Variants in MDN1 observed in about 807,000 individuals in gnomAD.
MDN1 encodes the protein midasin AAA ATPase 1, also known as midasin.
In MDN1, 266 loss-of-function variants were observed where a neutral mutation model predicts 669.2. The observed-to-expected ratio is 0.40, with a 90% CI of 0.36 to 0.44. The LOEUF (loss-of-function observed/expected upper bound fraction) is 0.44. MDN1 is among the 20% of genes least tolerant of loss of function. The pLI, the probability that MDN1 is intolerant of heterozygous loss-of-function variation, is 1.00. For missense variants in MDN1, 5,940 were observed against 6,754.0 expected (o/e 0.88, Z 4.22); for synonymous variants, 2,385 against 2,457.1 (o/e 0.97, Z 0.87).
chr6:89,674,468 TG>T lies in MDN1; in HGVS notation c.12882del (p.Met4295CysfsTer20). On this transcript the variant is annotated frameshift_variant, in exon 79 of 102. Coordinates refer to ENST00000369393, the MANE Select transcript of MDN1 (RefSeq NM_014611.3). LOFTEE classifies it high-confidence loss of function. ...QQWTERLQHLAMQCQILLEQL... is the reference protein window; with the variant it reads ...QQWTERLQHLXMQCQILLEQL... Reference sequence around the variant, plus strand: ...TGCTCAAGCAGGATCTGGCACTGCATGGCCAGGTGCTGCAGGCGCTCTGTCC... The same window carrying T: ...TGCTCAAGCAGGATCTGGCACTGCATGCCAGGTGCTGCAGGCGCTCTGTCC... The T allele has an allele frequency of 6.2e-7, 1 of 1,613,774 alleles. No individual in the cohort carries two copies. Among genetic ancestry groups the T allele is most frequent in the Non-Finnish European group, 8.5e-7 (1 of 1,179,984 alleles).
intron 7 of MDN1, among the ~76,000 whole-genome samples, chr6:89,789,134 A>G (rs1043974892): frequency 3.3e-5 from 5 of 152,180 alleles, no homozygotes; most frequent in Non-Finnish European, 7.3e-5. Flanking sequence ...ACAAAAAAAA[A>G]AAAGAAAAAG....
At chr6:89,736,816 T>C (rs1455540127) in intron 33 of MDN1, among the ~76,000 whole-genome samples, 1 of 152,106 alleles carries the variant, frequency 6.6e-6, no homozygotes, top group Non-Finnish European at 1.5e-5. Flanking sequence ...AAAGTCTGTA[T>C]TATACTTCTT....
intron 7 of MDN1, 112 bp downstream of exon 7, chr6:89,789,668 G>C (rs147971052): frequency 7.9e-7 from 1 of 1,269,424 alleles, no homozygotes; most frequent in East Asian, 2.4e-5. Context: ...AACATAGTAC[G>C]TCTAATCAAA....
At chr6:89,725,504 G>A in intron 37 of MDN1, 108 bp from the exon 38 acceptor site, 1 of 974,806 alleles carries the variant, frequency 1.0e-6, no homozygotes. Context: ...CTTCAGAAAG[G>A]GAATTTCAAA....
chr6:89,695,643 C>T lies in MDN1; in HGVS notation c.9733G>A (p.Val3245Met), dbSNP rs1219200167. Residue 3245 changes from valine to methionine, a missense_variant, in exon 61 of 102, where the codon GTG (valine) becomes ATG (methionine). Physicochemically the swap from Val to Met is conservative, Grantham distance 21. Around this residue, in one of 5 missense-constraint regions of MDN1, gnomAD observed 2,292 missense variants for 2,638.3 expected, o/e 0.87. Transcript: ENST00000369393. The surrounding 1 kb of genome is among the most constrained non-coding windows in gnomAD (Gnocchi z 4.1). ...WLPQARFDPA[V>M]KREYKLNYVK... ...TAATTGAGCTTGTACTCCCTCTTCA[C>T]CGCAGGGTCAAAGCGTGCCTGGGGA... The T allele has an allele frequency of 6.2e-7, 1 of 1,609,676 alleles. No individual in the cohort carries two copies. The highest frequency in any genetic ancestry group is 8.5e-7 in the Non-Finnish European group (1 of 1,177,000).
At chr6:89,737,805 C>T (rs1316934229) in intron 33 of MDN1, among the ~76,000 whole-genome samples, 1 of 151,108 alleles carries the variant, frequency 6.6e-6, no homozygotes, top group Non-Finnish European at 1.5e-5. Flanking sequence ...ATCACTGCAA[C>T]CTCCACTTCC....
intron 40 of MDN1, among the ~76,000 whole-genome samples, chr6:89,720,019 A>C (rs543459263): frequency 1.3e-5 from 2 of 152,226 alleles, no homozygotes; most frequent in Non-Finnish European, 2.9e-5. Flanking sequence ...GGGAAAATTA[A>C]AGCCAGAAAA....
chr6:89,661,265 G>A (rs935815088), intron 88 of MDN1, among the ~76,000 whole-genome samples, 166 bp downstream of exon 88: 2 of 152,210 alleles, frequency 1.3e-5, no homozygotes, highest in Non-Finnish European at 2.9e-5. Context: ...ATAATCACAT[G>A]AGAAATACTA....
At chr6:89,751,710 G>A in intron 22 of MDN1, 128 bp from the exon 23 acceptor site, 1 of 934,398 alleles carries the variant, frequency 1.1e-6, no homozygotes, top group Non-Finnish European at 1.5e-6. Context: ...ATTAAAACTG[G>A]ATGAAATATG....
chr6:89,760,676 A>C (rs1005254538), intron 17 of MDN1, among the ~76,000 whole-genome samples: 5 of 152,152 alleles, frequency 3.3e-5, no homozygotes, highest in Non-Finnish European at 7.3e-5. Flanking sequence ...AAAAGAAATA[A>C]ATTTTGTCAT....
At chr6:89,802,303 A>G (rs2128328981) in intron 2 of MDN1, among the ~76,000 whole-genome samples, 1 of 152,350 alleles carries the variant, frequency 6.6e-6, no homozygotes, top group Middle Eastern at 3.4e-3. Flanking sequence ...TCCTCATTAA[A>G]GGACCAGACT....
rs1376629325 is a variant in MDN1 at position 89,643,985 on chromosome 6, T to C, written c.*20A>G. On this transcript the variant is annotated 3_prime_UTR_variant, in exon 102 of 102. Transcript: ENST00000369393. Reference sequence around the variant, plus strand: ...CCTTCTGACCACAGTTAAGTCTCACTTTGGACTCTTCTTTCTGTTCTATGG... The same window carrying C: ...CCTTCTGACCACAGTTAAGTCTCACCTTGGACTCTTCTTTCTGTTCTATGG... 1 of 1,583,306 alleles carries C rather than the reference T, an allele frequency of 6.3e-7. No homozygotes were observed. Among genetic ancestry groups the C allele is most frequent in the African/African-American group, 1.3e-5 (1 of 74,118 alleles).
Position 89,803,486 on chromosome 6 carries a change from A to G in MDN1, c.171T>C (p.Cys57=), listed in dbSNP as rs1767798104. ...GAAGCTGGCGACCAACCAGCACAGT[A>G]CAGTCCTTATCCAAAAGCAACTGTG... ...TLAQLLLDKD[C]TVLVGRQLRP... Residue 57 remains cysteine, a synonymous_variant, in exon 2 of 102, where the codon TGT becomes TGC. Transcript: ENST00000369393. 3 of 1,614,066 alleles carry G rather than the reference A, an allele frequency of 1.9e-6. No homozygotes were observed. The highest frequency in any genetic ancestry group is 2.5e-6 in the Non-Finnish European group (3 of 1,180,054).
In MDN1 at chr6:89,677,596, G is replaced by A; in HGVS notation, c.12513C>T (p.Val4171=). ...TAGAATCAGCCTCCTGAGTGCTGCT[G>A]ACGATGGACAATGCGCTCTGGAGAT... ...PLDLQSALSI[V]SSTQEADSRL... Residue 4171 remains valine, a synonymous_variant, in exon 76 of 102, where the codon GTC becomes GTT. Transcript: ENST00000369393. 1 of 1,614,196 alleles carries A rather than the reference G, an allele frequency of 6.2e-7. No individual in the cohort carries two copies. The highest frequency in any genetic ancestry group is 8.5e-7 in the Non-Finnish European group (1 of 1,180,028).
At chr6:89,759,883 C>T (rs1293432963) in intron 17 of MDN1, among the ~76,000 whole-genome samples, 1 of 151,532 alleles carries the variant, frequency 6.6e-6, no homozygotes, top group Non-Finnish European at 1.5e-5. Flanking sequence ...ACCAGCCTGG[C>T]CAACATGGCA....
At chr6:89,789,655 T>G in intron 7 of MDN1, 125 bp downstream of exon 7, 1 of 1,147,022 alleles carries the variant, frequency 8.7e-7, no homozygotes, top group Non-Finnish European at 1.2e-6. Context: ...ATGAAGTACC[T>G]GCAACATAGT....
intron 64 of MDN1, 55 bp downstream of exon 64, chr6:89,690,618 G>A: frequency 6.3e-7 from 1 of 1,586,920 alleles, no homozygotes; most frequent in Non-Finnish European, 8.6e-7. Context: ...CAGAGGGAAT[G>A]TATATGGCAT....
intron 22 of MDN1, among the ~76,000 whole-genome samples, chr6:89,753,192 G>A (rs1396030065): frequency 3.3e-5 from 5 of 151,598 alleles, no homozygotes; most frequent in Admixed American, 6.6e-5. Context: ...TACATTAAAC[G>A]CATATTACAA....
At chr6:89,737,426 C>A (rs1262278383) in intron 33 of MDN1, among the ~76,000 whole-genome samples, 2 of 151,784 alleles carry the variant, frequency 1.3e-5, no homozygotes, top group African/African-American at 4.8e-5. Flanking sequence ...AAAAAATGAT[C>A]CAAAAAACTA....
Sources: gnomAD v4.1 joint callset for allele counts (sites outside exome capture counted in the v4.1 genomes callset) on GRCh38, gnomAD v4.1.1 for gene constraint, gnomAD v4.1.1 regional missense constraint, Gnocchi (gnomAD v3.1) non-coding constraint, MANE v1.5 for transcripts, NCBI Gene and HGNC (gene_info 2026-07-23, HGNC 2026-07-21) for gene names.